TULP1: variants seen among roughly 807,000 people sequenced by gnomAD.
The protein encoded by TULP1 is TUB like protein 1, also known as tubby-related protein 1.
TULP1 carries 50 observed loss-of-function variants against 67.1 expected under a neutral mutation model. The ratio of observed to expected loss-of-function variants is 0.75; its 90% CI spans 0.59 to 0.94. The LOEUF (loss-of-function observed/expected upper bound fraction) is 0.94, where lower values mean the gene tolerates loss of function less well. Among genes scored for constraint, TULP1 ranks in the 40% least tolerant of loss-of-function variants. The probability of loss-of-function intolerance (pLI) is 0.00; values close to 1 mark genes in which losing one functional copy is unlikely to be tolerated. For missense variants in TULP1, 746 were observed against 734.1 expected, an observed-to-expected ratio of 1.02 and a Z score of -0.19; for synonymous variants, 297 against 294.0, an observed-to-expected ratio of 1.01 and a Z score of -0.11.
At chr6:35,499,721 C>G (rs767130908) in intron 14 of TULP1, among the ~76,000 whole-genome samples, 1 of 152,158 alleles carries the variant, frequency 6.6e-6, no homozygotes, top group African/African-American at 2.4e-5. Flanking sequence ...CCAGAATGTC[C>G]CAGTATCTAA....
chr6:35,503,475 C>T lies in TULP1; in HGVS notation c.1323+84G>A, dbSNP rs1761010559. On this transcript the variant is annotated intron_variant, in intron 13 of 14. Coordinates refer to ENST00000229771, the MANE Select transcript of TULP1 (RefSeq NM_003322.6). The surrounding 1 kb of genome is among the most constrained non-coding windows in gnomAD (Gnocchi z 4.0). ...TGTGTTGGAGGGTGATGGATGTGCT[C>T]AGGGAGTTGGCTATTTCCTAAGCTG... 7.4e-7 allele frequency: 1 copy of T among 1,347,268 alleles called. No homozygotes were observed. Among genetic ancestry groups the T allele is most frequent in the Non-Finnish European group, 1.0e-6 (1 of 967,432 alleles). The allele number at this position is 1,347,268 out of a possible 1,614,324, so 83.5% of individuals were successfully genotyped here.
At chr6:35,507,056 G>A (rs1415831409) in intron 8 of TULP1, among the ~76,000 whole-genome samples, 3 of 151,836 alleles carry the variant, frequency 2.0e-5, no homozygotes, top group African/African-American at 7.3e-5. Flanking sequence ...TGCATACCAG[G>A]GTTGGTCCCT....
Position 35,500,089 on chromosome 6 carries a change from T to C in TULP1, c.1387A>G (p.Asn463Asp). The C allele has an allele frequency of 6.2e-7, 1 of 1,614,126 alleles. No homozygotes were observed. The highest frequency in any genetic ancestry group is 1.7e-5 in the Admixed American group (1 of 60,022). Residue 463 changes from asparagine to aspartate, a missense_variant, in exon 14 of 15, where the codon AAC becomes GAC. This residue lies in a region of TULP1 where 383 missense variants were observed against 374.1 expected (regional missense o/e 1.02). Coordinates refer to ENST00000229771, the MANE Select transcript of TULP1 (RefSeq NM_003322.6). ...KTLESLIELH[N>D]KPPVWNDDSG... ...TCATCGTTCCAGACAGGTGGCTTGT[T>C]GTGCAGTTCTATGAGGCTCTCCAGC...
rs12524582 is a variant in TULP1, at chr6:35,503,233, C to T, written c.1323+326G>A. ...GATTACAGGCGTGAGCCACCGCGCC[C>T]GGCCCAGGGGTGCAGATCTTTGTTT... On this transcript the variant is annotated intron_variant, in intron 13 of 14. Transcript: ENST00000229771. This position sits in a 1 kb window ranked among gnomAD's most constrained non-coding sequence, Gnocchi z 4.0. Among the ~76,000 whole-genome samples the T allele has an allele frequency of 0.29, 44,644 of 152,150 alleles. 7,760 individuals are homozygous for T. Among genetic ancestry groups the T allele is most frequent in the Middle Eastern group, 0.41 (119 of 292 alleles).
intron 3 of TULP1, 100 bp downstream of exon 3, chr6:35,512,080 A>G (rs1025870433): frequency 2.9e-6 from 1 of 340,948 alleles, no homozygotes; most frequent in Non-Finnish European, 4.2e-6. Flanking sequence ...CTCCTCCCCC[A>G]CCCCGTTCCA....
At chr6:35,512,409 G>T in intron 2 of TULP1, 139 bp from the exon 3 acceptor site, 2 of 667,428 alleles carry the variant, frequency 3.0e-6, no homozygotes, top group Non-Finnish European at 5.0e-6. Flanking sequence ...TTGGAGTGAG[G>T]CAGGATGACC....
chr6:35,511,141 C>T, intron 4 of TULP1, 131 bp from the exon 5 acceptor site: 1 of 1,533,686 alleles, frequency 6.5e-7, no homozygotes, highest in Non-Finnish European at 8.7e-7. Context: ...GAAACAAGAA[C>T]CGGAGACCTG....
At chr6:35,510,614 A>C (rs1761175875) in intron 5 of TULP1, 1 of 684,744 alleles carries the variant, frequency 1.5e-6, no homozygotes. Flanking sequence ...GAAAACTAGA[A>C]TCCTCTGTCC....
intron 5 of TULP1, 147 bp downstream of exon 5, chr6:35,510,714 G>A: frequency 4.5e-6 from 7 of 1,571,118 alleles, no homozygotes; most frequent in African/African-American, 1.4e-5. Flanking sequence ...CCATCGTGGG[G>A]AGAAATTATC....
chr6:35,502,719 G>A (rs913584302), intron 13 of TULP1, among the ~76,000 whole-genome samples: 12 of 151,638 alleles, frequency 7.9e-5, no homozygotes, highest in Middle Eastern at 3.5e-3. Flanking sequence ...GGCTGGTCTC[G>A]AACTCCTGAC....
chr6:35,509,529 C>A, intron 7 of TULP1, 105 bp downstream of exon 7: 1 of 1,273,560 alleles, frequency 7.9e-7, no homozygotes, highest in Non-Finnish European at 1.1e-6. Context: ...CTAGACCTGG[C>A]AAACTCCTTA....
At chr6:35,510,610 T>C in intron 5 of TULP1, 1 of 669,704 alleles carries the variant, frequency 1.5e-6, no homozygotes, top group Non-Finnish European at 2.4e-6. Context: ...CAAAGAAAAC[T>C]AGAATCCTCT....
In TULP1 at chr6:35,512,211, G is replaced by A; in HGVS notation, c.159C>T (p.Cys53=). 7.3e-7 allele frequency: 1 copy of A among 1,364,888 alleles called. No homozygotes were observed. Among genetic ancestry groups the A allele is most frequent in the Non-Finnish European group, 9.4e-7 (1 of 1,058,258 alleles). 84.5% of individuals were successfully genotyped at this position (1,364,888 alleles called of 1,614,324 possible). A position where few individuals can be genotyped will look rare whatever the true frequency, so the allele number is the denominator to read the frequency against. The change falls in exon 3 of 15, where the codon TGC becomes TGT. Residue 53 remains cysteine, a synonymous_variant. Coordinates refer to ENST00000229771, the MANE Select transcript of TULP1 (RefSeq NM_003322.6). ...KKRTEAPESP[C]PTGSKPRKPG... Reference sequence around the variant, plus strand: ...GCTTCCGGGGCTTGGATCCCGTGGGGCAGGGGGATTCGGGGGCCTCCGTCC... The same window carrying A: ...GCTTCCGGGGCTTGGATCCCGTGGGACAGGGGGATTCGGGGGCCTCCGTCC...
chr6:35,510,248 G>A (rs904875172), intron 5 of TULP1, among the ~76,000 whole-genome samples: 4 of 152,038 alleles, frequency 2.6e-5, no homozygotes, highest in African/African-American at 4.8e-5. Flanking sequence ...GCTCATTTTG[G>A]TTTTTCTTTC....
intron 14 of TULP1, among the ~76,000 whole-genome samples, 154 bp downstream of exon 14, chr6:35,499,827 G>C (rs575536945): frequency 9.2e-5 from 14 of 152,232 alleles, no homozygotes; most frequent in Admixed American, 6.5e-4. Flanking sequence ...CACAGTGTCA[G>C]TGCCTATGGA....
chr6:35,505,040 G>A (rs2150924861), intron 11 of TULP1, among the ~76,000 whole-genome samples: 1 of 152,100 alleles, frequency 6.6e-6, no homozygotes, highest in East Asian at 1.9e-4. Context: ...GGGTTCAAGA[G>A]ATTCTCCCAC....
intron 11 of TULP1, among the ~76,000 whole-genome samples, chr6:35,504,372 T>A (rs1761040589): frequency 6.6e-6 from 1 of 151,914 alleles, no homozygotes. Context: ...AAGGGCTGAA[T>A]CTACAAGGAG....
In TULP1 at chr6:35,503,401, T is replaced by G; in HGVS notation, c.1323+158A>C. Reference sequence around the variant, plus strand: ...AAGCCCATTGTGGTTTTTCAGTGAATTCAATTACAAAAAGCCCAAGTCCAT... The same window carrying G: ...AAGCCCATTGTGGTTTTTCAGTGAAGTCAATTACAAAAAGCCCAAGTCCAT... On this transcript the variant is annotated intron_variant, in intron 13 of 14. Transcript: ENST00000229771. This position sits in a 1 kb window ranked among gnomAD's most constrained non-coding sequence, Gnocchi z 4.0. The G allele has an allele frequency of 1.4e-6, 1 of 729,388 alleles. No individual in the cohort carries two copies. Among genetic ancestry groups the G allele is most frequent in the Non-Finnish European group, 2.3e-6 (1 of 443,816 alleles). The allele number at this position is 729,388 out of a possible 1,614,324, so 45.2% of individuals were successfully genotyped here.
chr6:35,511,993 C>A, intron 3 of TULP1, 187 bp from the exon 4 acceptor site: 1 of 730,324 alleles, frequency 1.4e-6, no homozygotes, highest in Non-Finnish European at 2.1e-6. Context: ...CCCTTCTACC[C>A]CAACGCCACC....
Sources: gnomAD v4.1 joint callset for allele counts (sites outside exome capture counted in the v4.1 genomes callset) on GRCh38, gnomAD v4.1.1 for gene constraint, gnomAD v4.1.1 regional missense constraint, Gnocchi (gnomAD v3.1) non-coding constraint, MANE v1.5 for transcripts, NCBI Gene and HGNC (gene_info 2026-07-23, HGNC 2026-07-21) for gene names.